The following SAMD8 variants were observed in gnomAD, a reference collection of about 807,000 sequenced individuals.
SAMD8 encodes the protein sphingomyelin synthase-related protein 1.
In SAMD8, 20 loss-of-function variants were observed where a neutral mutation model predicts 42.0. The observed-to-expected ratio is 0.48, with a 90% confidence interval of 0.34 to 0.69. The LOEUF (loss-of-function observed/expected upper bound fraction) is 0.69. Ranked by LOEUF, SAMD8 falls within the 30% of genes least tolerant of loss-of-function variation. The pLI, the probability that SAMD8 is intolerant of heterozygous loss-of-function variation, is 0.01. For missense variants in SAMD8, 328 were observed against 511.6 expected (o/e 0.64, Z 3.46); for synonymous variants, 162 against 173.0 (o/e 0.94, Z 0.50).
intron 3 of SAMD8, among the ~76,000 whole-genome samples, chr10:75,165,088 C>G (rs1446311145): frequency 6.7e-6 from 1 of 148,512 alleles, no homozygotes; most frequent in Non-Finnish European, 1.5e-5. Context: ...GTTAGGAGTT[C>G]GAGACCAGCC....
rs1332300138 is a variant in SAMD8, at chr10:75,177,843, GA to G, written c.*1154del. 1 of 152,140 alleles carries G rather than the reference GA, an allele frequency of 6.6e-6. No individual in the cohort carries two copies. Among genetic ancestry groups the G allele is most frequent in the Non-Finnish European group, 1.5e-5 (1 of 68,022 alleles). 9.4% of individuals were successfully genotyped at this position (152,140 alleles called of 1,614,324 possible). On this transcript the variant is annotated 3_prime_UTR_variant, in exon 6 of 6. Coordinates refer to ENST00000542569, the MANE Select transcript of SAMD8 (RefSeq NM_001174156.2). The stretch of plus-strand genomic sequence containing the variant: ...AACTTAGCTGCTATTTACAACACTA[GA>G]AATTTAGTACTTTAAGTAATTTCAC...
chr10:75,178,928 C>G lies in SAMD8; in HGVS notation c.*2236C>G, dbSNP rs953519447. On this transcript the variant is annotated 3_prime_UTR_variant, in exon 6 of 6. Transcript: ENST00000542569. The stretch of plus-strand genomic sequence containing the variant: ...CTTGTAATCCCAGCTACTTGGGAGA[C>G]TGAGGAACAAGAAACACTTGAACCC... The G allele has an allele frequency of 6.6e-6, 1 of 152,304 alleles. No individual in the cohort carries two copies. Among genetic ancestry groups the G allele is most frequent in the African/African-American group, 2.4e-5 (1 of 41,440 alleles). 9.4% of individuals were successfully genotyped at this position (152,304 alleles called of 1,614,324 possible).
At chr10:75,142,202 C>T (rs888263179) in intron 1 of SAMD8, among the ~76,000 whole-genome samples, 6 of 152,232 alleles carry the variant, frequency 3.9e-5, no homozygotes, top group Admixed American at 3.3e-4. Flanking sequence ...CCTGTCTCAG[C>T]TTCCCAAAGT....
chr10:75,162,175 A>C (rs1840572486), intron 2 of SAMD8, among the ~76,000 whole-genome samples: 1 of 152,088 alleles, frequency 6.6e-6, no homozygotes, highest in South Asian at 2.1e-4. Flanking sequence ...CCTAGCCAAC[A>C]TTGTGAAACG....
At chr10:75,106,606 C>T (rs1029783962) in intron 1 of SAMD8, among the ~76,000 whole-genome samples, 2 of 152,168 alleles carry the variant, frequency 1.3e-5, no homozygotes, top group Non-Finnish European at 2.9e-5. Context: ...GGCTTAGCAC[C>T]CCCGCCGTGT....
At chr10:75,151,438 C>T (rs935668563) in intron 2 of SAMD8, among the ~76,000 whole-genome samples, 2 of 151,866 alleles carry the variant, frequency 1.3e-5, no homozygotes, top group African/African-American at 4.8e-5. Context: ...ACTGCAGTCT[C>T]AACCTCCCGG....
At chr10:75,130,134 G>T (rs1046665727) in intron 1 of SAMD8, among the ~76,000 whole-genome samples, 1 of 152,032 alleles carries the variant, frequency 6.6e-6, no homozygotes, top group Non-Finnish European at 1.5e-5. Context: ...AATATTTATG[G>T]TGAATATCAT....
upstream of SAMD8, chr10:75,111,571 G>GC (rs2134409309): frequency 1.6e-6 from 2 of 1,249,370 alleles, no homozygotes; most frequent in Admixed American, 4.1e-5. Flanking sequence ...AGTCGCCACC[G>GC]CCCCCGCCTC....
At chr10:75,143,966 C>CTTT (rs536028273) in intron 1 of SAMD8, among the ~76,000 whole-genome samples, 1 of 135,010 alleles carries the variant, frequency 7.4e-6, no homozygotes, top group Non-Finnish European at 1.6e-5. Context: ...ATAATTTAAA[C>CTTT]TTTTTTTTTT....
intron 2 of SAMD8, among the ~76,000 whole-genome samples, chr10:75,162,875 AT>A (rs1449455374): frequency 6.6e-6 from 1 of 152,178 alleles, no homozygotes; most frequent in Non-Finnish European, 1.5e-5. Context: ...AGAAGAATTT[AT>A]TAGCTCCAGA....
At chr10:75,105,880 A>T in intron 1 of SAMD8, 1 of 1,544,976 alleles carries the variant, frequency 6.5e-7, no homozygotes, top group Non-Finnish European at 8.8e-7. Flanking sequence ...TGAGGAAGAC[A>T]TCCTGGTGAA....
At chr10:75,161,174 C>T (rs560181059) in intron 2 of SAMD8, among the ~76,000 whole-genome samples, 22 of 152,118 alleles carry the variant, frequency 1.4e-4, no homozygotes, top group African/African-American at 3.6e-4. Context: ...TTAGGGATAC[C>T]GTGTCCAGAT....
intron 2 of SAMD8, among the ~76,000 whole-genome samples, chr10:75,155,306 A>G (rs528942415): frequency 6.6e-6 from 1 of 152,164 alleles, no homozygotes; most frequent in Non-Finnish European, 1.5e-5. Context: ...GGTTTTCGAC[A>G]TGTCAGGTTT....
At chr10:75,108,584 A>T (rs1564669797), upstream of SAMD8, among the ~76,000 whole-genome samples, 1 of 152,064 alleles carries the variant, frequency 6.6e-6, no homozygotes, top group East Asian at 1.9e-4. Context: ...CCTGCTTCTA[A>T]CCTACAAATG....
chr10:75,151,240 A>G, intron 2 of SAMD8, 134 bp downstream of exon 2: 1 of 474,726 alleles, frequency 2.1e-6, no homozygotes, highest in East Asian at 3.5e-5. Flanking sequence ...CTGGCGGTAT[A>G]AAATGCTTTG....
chr10:75,171,160 C>T (rs371638081), intron 4 of SAMD8, among the ~76,000 whole-genome samples: 312 of 68,516 alleles, frequency 4.6e-3, no homozygotes, highest in Middle Eastern at 0.013. Flanking sequence ...CTTTCTTTTT[C>T]TTTTTTTTTT....
At chr10:75,168,411 A>C (rs991515507) in intron 3 of SAMD8, 130 bp from the exon 4 acceptor site, 5 of 1,491,082 alleles carry the variant, frequency 3.4e-6, no homozygotes, top group Non-Finnish European at 4.5e-6. Context: ...ATGGTCTTTA[A>C]GATTTCTGTC....
At position 75,103,992 on chromosome 10, in the gene SAMD8, C is replaced by A. The variant is rs191054422; in HGVS notation, c.-16+4264C>A. On this transcript the variant is annotated intron_variant, in intron 1 of 3. Coordinates refer to the SAMD8 transcript ENST00000447533. Reference sequence around the variant, plus strand: ...GGGCCGACCCCACGCTGGGCTTCCACCATCTTCTGTGTGTCCGCCTGGGCC... The same window carrying A: ...GGGCCGACCCCACGCTGGGCTTCCAACATCTTCTGTGTGTCCGCCTGGGCC... The A allele has an allele frequency of 6.7e-6, 9 of 1,352,982 alleles. No individual in the cohort carries two copies. The East Asian group carries it at 3.3e-4, about 50-fold the overall frequency. 83.8% of individuals were successfully genotyped at this position (1,352,982 alleles called of 1,614,324 possible). A position where few individuals can be genotyped will look rare whatever the true frequency, so the allele number is the denominator to read the frequency against.
chr10:75,166,682 A>G (rs981335383), intron 3 of SAMD8, among the ~76,000 whole-genome samples: 4 of 152,208 alleles, frequency 2.6e-5, no homozygotes, highest in African/African-American at 9.6e-5. Flanking sequence ...GGATTGCTTA[A>G]AACCAGAGGT....
Sources: allele counts gnomAD v4.1 joint callset (sites outside exome capture counted in the v4.1 genomes callset), GRCh38; gene constraint gnomAD v4.1.1; transcripts MANE v1.5; gene names NCBI Gene and HGNC (gene_info 2026-07-23, HGNC 2026-07-21).